ALCAM: variants seen among roughly 807,000 people sequenced by gnomAD.
ALCAM encodes the protein CD166 antigen.
In ALCAM, 30 loss-of-function variants were observed where a neutral mutation model predicts 70.9. The observed-to-expected ratio is 0.42, with a 90% CI of 0.32 to 0.57. The LOEUF (loss-of-function observed/expected upper bound fraction) is 0.57, where lower values mean the gene tolerates loss of function less well. Ranked by LOEUF, ALCAM falls within the 20% of genes least tolerant of loss-of-function variation. ALCAM has a pLI of 0.11. For synonymous variants in ALCAM, 249 were observed against 242.5 expected (o/e 1.03, Z -0.25); for missense variants, 591 against 695.1 (o/e 0.85, Z 1.68).
intron 3 of ALCAM, among the ~76,000 whole-genome samples, chr3:105,525,956 A>C (rs1939695861): frequency 6.6e-6 from 1 of 152,106 alleles, no homozygotes; most frequent in African/African-American, 2.4e-5. Flanking sequence ...TGGCCCATGT[A>C]TTTTTTTCTT....
intron 1 of ALCAM, among the ~76,000 whole-genome samples, chr3:105,476,230 A>G (rs1938103982): frequency 6.6e-6 from 1 of 151,846 alleles, no homozygotes; most frequent in South Asian, 2.1e-4. Flanking sequence ...TTTGCTGCTC[A>G]CTCATCTACC....
chr3:105,513,876 C>T (rs961637414), intron 1 of ALCAM, among the ~76,000 whole-genome samples: 3 of 151,774 alleles, frequency 2.0e-5, no homozygotes, highest in Admixed American at 2.0e-4. Flanking sequence ...AGTCTTAGGA[C>T]ATGTTCCTTA....
chr3:105,424,175 C>T (rs892977694), intron 1 of ALCAM, among the ~76,000 whole-genome samples: 1 of 151,350 alleles, frequency 6.6e-6, no homozygotes, highest in African/African-American at 2.4e-5. Flanking sequence ...TTGTGGGTAT[C>T]AAATACATAA....
chr3:105,373,804 G>C (rs549381477), intron 1 of ALCAM, among the ~76,000 whole-genome samples: 8 of 152,156 alleles, frequency 5.3e-5, no homozygotes, highest in Non-Finnish European at 8.8e-5. Context: ...ATTAAATACA[G>C]TAGAAGCAAT....
chr3:105,513,753 G>A (rs1939302261), intron 1 of ALCAM, among the ~76,000 whole-genome samples: 1 of 151,864 alleles, frequency 6.6e-6, no homozygotes, highest in South Asian at 2.1e-4. Flanking sequence ...GGCCCCAAAA[G>A]GAATCCAAAT....
chr3:105,414,151 C>G (rs1576147134), intron 1 of ALCAM, among the ~76,000 whole-genome samples: 1 of 151,868 alleles, frequency 6.6e-6, no homozygotes, highest in South Asian at 2.1e-4. Flanking sequence ...GTATTCCCAG[C>G]ACTTTGGGAG....
chr3:105,457,217 A>G (rs1937545198), intron 1 of ALCAM, among the ~76,000 whole-genome samples: 1 of 152,200 alleles, frequency 6.6e-6, no homozygotes, highest in Admixed American at 6.5e-5. Context: ...CTGTCCCTGC[A>G]AAGGATATGA....
chr3:105,452,527 G>A (rs1937454009), intron 1 of ALCAM, among the ~76,000 whole-genome samples: 1 of 152,134 alleles, frequency 6.6e-6, no homozygotes, highest in South Asian at 2.1e-4. Context: ...TAGCGCTGCA[G>A]TAAACATACT....
chr3:105,537,312 G>T (rs1002772459), intron 6 of ALCAM, among the ~76,000 whole-genome samples: 4 of 152,020 alleles, frequency 2.6e-5, no homozygotes, highest in African/African-American at 9.7e-5. Flanking sequence ...CCAATGAATT[G>T]CAAAATAGTA....
chr3:105,455,194 CTCT>C (rs1408373407), intron 1 of ALCAM, among the ~76,000 whole-genome samples: 1 of 151,768 alleles, frequency 6.6e-6, no homozygotes, highest in Non-Finnish European at 1.5e-5. Context: ...GTAATCCCAG[CTCT>C]TTGGGAGGCC....
chr3:105,481,048 G>A (rs1938256349), intron 1 of ALCAM, among the ~76,000 whole-genome samples: 1 of 151,888 alleles, frequency 6.6e-6, no homozygotes, highest in Non-Finnish European at 1.5e-5. Context: ...CACAACCTTG[G>A]GATATAAGAA....
chr3:105,486,622 A>G (rs182727277), intron 1 of ALCAM, among the ~76,000 whole-genome samples: 2 of 152,142 alleles, frequency 1.3e-5, no homozygotes, highest in African/African-American at 4.8e-5. Flanking sequence ...TTTAGCAAGC[A>G]TGCATCCATT....
chr3:105,511,487 G>T (rs1939234668), intron 1 of ALCAM, among the ~76,000 whole-genome samples: 2 of 151,944 alleles, frequency 1.3e-5, no homozygotes, highest in African/African-American at 4.8e-5. Context: ...AGTTCTTAAA[G>T]AAAGGACAAA....
At chr3:105,403,268 C>T (rs1439141137) in intron 1 of ALCAM, among the ~76,000 whole-genome samples, 1 of 152,050 alleles carries the variant, frequency 6.6e-6, no homozygotes, top group East Asian at 1.9e-4. Flanking sequence ...TTGAAAGCAT[C>T]ACCTTCTGGC....
chr3:105,389,036 C>G (rs566147363), intron 1 of ALCAM, among the ~76,000 whole-genome samples: 7 of 151,552 alleles, frequency 4.6e-5, no homozygotes, highest in African/African-American at 1.7e-4. Context: ...GTTGAATGAA[C>G]AAAGTGAGAT....
Position 105,391,941 on chromosome 3 carries a change from A to T in ALCAM, c.73+24460A>T, listed in dbSNP as rs1164180664. 2.0e-5 allele frequency among the ~76,000 whole-genome samples: 3 copies of T among 151,918 alleles called. No homozygotes were observed. In the East Asian group the frequency reaches 5.8e-4, roughly 29 times the overall value. On this transcript the variant is annotated intron_variant, in intron 1 of 15. Transcript: ENST00000306107. The stretch of plus-strand genomic sequence containing the variant: ...GATGAAGCCAACTTGATTGTGGTGG[A>T]TAAGCTTTTTGATGTGCTGCTGGAT...
intron 1 of ALCAM, among the ~76,000 whole-genome samples, chr3:105,497,084 A>C (rs917975663): frequency 6.6e-6 from 1 of 152,148 alleles, no homozygotes; most frequent in Non-Finnish European, 1.5e-5. Flanking sequence ...GGTACCCTTA[A>C]GGAAAAGAAT....
intron 3 of ALCAM, 159 bp downstream of exon 3, chr3:105,524,667 G>A: frequency 7.5e-7 from 1 of 1,336,808 alleles, no homozygotes; most frequent in South Asian, 2.4e-5. Context: ...TATACTATCA[G>A]CAAAGAAAAC....
intron 1 of ALCAM, among the ~76,000 whole-genome samples, chr3:105,506,190 A>G (rs1357113607): frequency 1.3e-5 from 2 of 152,350 alleles, no homozygotes; most frequent in East Asian, 3.9e-4. Context: ...ACTAATAGTT[A>G]TATTTGCATG....
Sources: allele counts gnomAD v4.1 joint callset (sites outside exome capture counted in the v4.1 genomes callset), GRCh38; gene constraint gnomAD v4.1.1; transcripts MANE v1.5; gene names NCBI Gene and HGNC (gene_info 2026-07-23, HGNC 2026-07-21).